Variants in SH2D4B observed in about 807,000 individuals in gnomAD.
SH2D4B encodes the protein SH2 domain containing 4B, also known as SH2 domain-containing protein 4B.
SH2D4B carries 45 observed loss-of-function variants against 61.5 expected under a neutral mutation model. That is an observed-to-expected ratio of 0.73 (90% confidence interval 0.58 to 0.94). SH2D4B has a LOEUF of 0.94. Among genes scored for constraint, SH2D4B ranks in the 40% least tolerant of loss-of-function variants. The pLI is 0.00. For missense variants in SH2D4B, 572 were observed against 574.2 expected (o/e 1.00, Z 0.04); for synonymous variants, 224 against 220.4 (o/e 1.02, Z -0.14).
chr10:80,610,391 A>G (rs568333739), intron 6 of SH2D4B, among the ~76,000 whole-genome samples: 28 of 152,188 alleles, frequency 1.8e-4, no homozygotes, highest in Admixed American at 3.3e-4. Flanking sequence ...TGCCTGGCTC[A>G]GTAAGTATCC....
intron 1 of SH2D4B, among the ~76,000 whole-genome samples, chr10:80,564,876 A>G (rs1841945223): frequency 6.6e-6 from 1 of 152,250 alleles, no homozygotes; most frequent in Non-Finnish European, 1.5e-5. Context: ...GAAGTAAATT[A>G]TAGGAATTTA....
chr10:80,633,516 T>C (rs1256438952), intron 6 of SH2D4B, among the ~76,000 whole-genome samples: 1 of 152,194 alleles, frequency 6.6e-6, no homozygotes, highest in Non-Finnish European at 1.5e-5. Context: ...CCAGGTCTTC[T>C]GGCTTCCCCT....
chr10:80,603,629 G>A lies in SH2D4B; in HGVS notation c.694G>A (p.Ala232Thr), dbSNP rs768694588. The A allele has an allele frequency of 1.2e-5, 19 of 1,591,976 alleles. No homozygotes were observed. In the African/African-American group the frequency reaches 1.2e-4, roughly 10 times the overall value. Reference sequence around the variant, plus strand: ...GGAGAGGAGCCGCCGAGCCCAGCGCGCCCGGGACGAGTACCGACACCACTC... The same window carrying A: ...GGAGAGGAGCCGCCGAGCCCAGCGCACCCGGGACGAGTACCGACACCACTC... ...DEERSRRAQR[A>T]RDEYRHHSLR... The change falls in exon 5 of 8, where the codon GCC becomes ACC. Residue 232 changes from alanine (A) to threonine (T), a missense_variant. Ala to Thr is a moderately conservative substitution (Grantham distance 58, BLOSUM62 0). Transcript: ENST00000646907.
rs562222277 is a variant in SH2D4B, at chr10:80,538,856, C to T, written c.184+341C>T. On this transcript the variant is annotated intron_variant, in intron 1 of 7. Coordinates refer to ENST00000646907, the MANE Select transcript of SH2D4B (RefSeq NM_001388272.1). This position sits in a 1 kb window ranked among gnomAD's most constrained non-coding sequence, Gnocchi z 4.8. ...ACGTGGTTGGCAATGGTAGGGTGAACGACGGCATATTTGTGACCCTTGCCA... is the reference window on the plus strand; with the variant it reads ...ACGTGGTTGGCAATGGTAGGGTGAATGACGGCATATTTGTGACCCTTGCCA... Among the ~76,000 whole-genome samples the T allele has an allele frequency of 8.5e-5, 13 of 152,302 alleles. No homozygotes were observed. The East Asian group carries it at 1.3e-3, about 16-fold the overall frequency.
At chr10:80,600,505 T>G (rs1274147290) in intron 4 of SH2D4B, among the ~76,000 whole-genome samples, 1 of 143,834 alleles carries the variant, frequency 7.0e-6, no homozygotes, top group East Asian at 2.1e-4. Context: ...GTGGTGGAGC[T>G]ACAGTGCAGA....
intron 5 of SH2D4B, among the ~76,000 whole-genome samples, chr10:80,608,372 G>T (rs1427152725): frequency 6.6e-6 from 1 of 152,148 alleles, no homozygotes; most frequent in Non-Finnish European, 1.5e-5. Context: ...CTCCCAAAGT[G>T]CTGGGATTAC....
intron 7 of SH2D4B, among the ~76,000 whole-genome samples, chr10:80,634,991 C>T (rs527809432): frequency 6.6e-6 from 1 of 152,258 alleles, no homozygotes; most frequent in South Asian, 2.1e-4. Context: ...TCCAGCTTAA[C>T]CACTTAGTAC....
intron 1 of SH2D4B, among the ~76,000 whole-genome samples, chr10:80,550,030 G>A (rs1044966975): frequency 6.8e-6 from 1 of 146,350 alleles, no homozygotes; most frequent in Non-Finnish European, 1.5e-5. Flanking sequence ...TGTCCACAAG[G>A]AAAGAACTTG....
At chr10:80,564,014 A>T (rs1841938242) in intron 1 of SH2D4B, among the ~76,000 whole-genome samples, 1 of 152,200 alleles carries the variant, frequency 6.6e-6, no homozygotes, top group African/African-American at 2.4e-5. Flanking sequence ...TATAGATGTT[A>T]GCTGTTATTA....
At chr10:80,587,602 A>T (rs1478536310) in intron 3 of SH2D4B, among the ~76,000 whole-genome samples, 8 of 151,192 alleles carry the variant, frequency 5.3e-5, no homozygotes, top group African/African-American at 1.2e-4. Flanking sequence ...CTAAACTTTT[A>T]TTTTAGATTC....
At position 80,575,944 on chromosome 10, in the gene SH2D4B, T is replaced by G. The variant is rs7083469; in HGVS notation, c.495+4366T>G. Among the ~76,000 whole-genome samples, 634 of 152,356 alleles carry G rather than the reference T, an allele frequency of 4.2e-3. 2 individuals carry two copies. The highest frequency in any genetic ancestry group is 0.013 in the African/African-American group (559 of 41,580). ...AGTTTATGTTGCTGGGTTTTGCATA[T>G]GATTATTTAAGTCTGTTCGGGAAGA... On this transcript the variant is annotated intron_variant, in intron 3 of 7. Coordinates refer to ENST00000646907, the MANE Select transcript of SH2D4B (RefSeq NM_001388272.1).
At position 80,566,561 on chromosome 10, in the gene SH2D4B, G is replaced by A. The variant is rs12571173; in HGVS notation, c.185-3593G>A. On this transcript the variant is annotated intron_variant, in intron 1 of 7. Coordinates refer to ENST00000646907, the MANE Select transcript of SH2D4B (RefSeq NM_001388272.1). ...TCTGCCCACCTTAGCCTTCCAAAGCGCTGGGATTACATGCGTGAGCCACTG... is the reference window on the plus strand; with the variant it reads ...TCTGCCCACCTTAGCCTTCCAAAGCACTGGGATTACATGCGTGAGCCACTG... Among the ~76,000 whole-genome samples the A allele has an allele frequency of 7.8e-3, 1,191 of 151,994 alleles. 18 individuals carry two copies. Among genetic ancestry groups the A allele is most frequent in the African/African-American group, 0.028 (1,142 of 41,482 alleles).
intron 1 of SH2D4B, among the ~76,000 whole-genome samples, chr10:80,560,692 GCTT>G (rs1240131932): frequency 2.0e-5 from 2 of 98,216 alleles, no homozygotes; most frequent in Non-Finnish European, 3.8e-5. Flanking sequence ...TCCTGGCCAA[GCTT>G]TTTTTTTTTT....
intron 6 of SH2D4B, 120 bp downstream of exon 6, chr10:80,609,671 C>T (rs1842572144): frequency 6.8e-7 from 1 of 1,467,790 alleles, no homozygotes; most frequent in Non-Finnish European, 9.3e-7. Context: ...TAAGCAATCT[C>T]CATTCTGTCC....
intron 2 of SH2D4B, among the ~76,000 whole-genome samples, chr10:80,570,603 C>T (rs1020317529): frequency 6.6e-6 from 1 of 152,192 alleles, no homozygotes; most frequent in Non-Finnish European, 1.5e-5. Flanking sequence ...AACTCACACC[C>T]ACCACCTAAT....
At chr10:80,643,245 C>CTTT (rs78663378) in intron 7 of SH2D4B, among the ~76,000 whole-genome samples, 2 of 137,702 alleles carry the variant, frequency 1.5e-5, no homozygotes, top group Admixed American at 7.2e-5. Context: ...TTAAGTGGTT[C>CTTT]TTTTTTTTTT....
chr10:80,632,076 A>G (rs1842839236), intron 6 of SH2D4B, among the ~76,000 whole-genome samples: 1 of 151,950 alleles, frequency 6.6e-6, no homozygotes, highest in African/African-American at 2.4e-5. Context: ...TGGGTGTAGC[A>G]TCTTCATGCC....
At position 80,603,678 on chromosome 10, in the gene SH2D4B, C is replaced by T. The variant is rs573187550; in HGVS notation, c.743C>T (p.Thr248Met). Residue 248 changes from threonine to methionine, a missense_variant, in exon 5 of 8, where the codon ACG (threonine) becomes ATG (methionine). Coordinates refer to ENST00000646907, the MANE Select transcript of SH2D4B (RefSeq NM_001388272.1). ...TCGCTCCGTGCTATCCAGAAGGGCACGGTCGCTGGCCTCAGCTCCATGTTC... is the reference window on the plus strand; with the variant it reads ...TCGCTCCGTGCTATCCAGAAGGGCATGGTCGCTGGCCTCAGCTCCATGTTC... ...HHSLRAIQKG[T>M]VAGLSSMFRE... 37 of 1,611,048 alleles carry T rather than the reference C, an allele frequency of 2.3e-5. No homozygotes were observed. The highest frequency in any genetic ancestry group is 1.5e-4 in the Admixed American group (9 of 59,676).
chr10:80,566,983 A>G (rs1841977916), intron 1 of SH2D4B, among the ~76,000 whole-genome samples: 4 of 152,218 alleles, frequency 2.6e-5, no homozygotes, highest in Non-Finnish European at 1.5e-5. Flanking sequence ...TGTCTTGCGC[A>G]TGTAGAAAAA....
Sources: gnomAD v4.1 joint callset for allele counts (sites outside exome capture counted in the v4.1 genomes callset) on GRCh38, gnomAD v4.1.1 for gene constraint, Gnocchi (gnomAD v3.1) non-coding constraint, MANE v1.5 for transcripts, NCBI Gene and HGNC (gene_info 2026-07-23, HGNC 2026-07-21) for gene names.